ZNF365: variants seen among roughly 807,000 people sequenced by gnomAD.
ZNF365 encodes the protein zinc finger protein 365.
A neutral mutation model predicts 35.0 loss-of-function variants in ZNF365; 22 were observed. The ratio of observed to expected loss-of-function variants is 0.63; its 90% CI spans 0.45 to 0.90. The LOEUF (loss-of-function observed/expected upper bound fraction) is 0.90, where lower values mean the gene tolerates loss of function less well. Ranked by LOEUF, ZNF365 falls within the 40% of genes least tolerant of loss-of-function variation. The probability of loss-of-function intolerance (pLI) is 0.00; values close to 1 mark genes in which losing one functional copy is unlikely to be tolerated. For synonymous variants in ZNF365, 188 were observed against 196.2 expected (o/e 0.96, Z 0.35); for missense variants, 448 against 500.3 (o/e 0.90, Z 1.00).
rs111435644 is a variant in ZNF365 at position 62,456,043 on chromosome 10, G to A, written c.925-3698G>A. 3.6e-3 allele frequency among the ~76,000 whole-genome samples: 542 copies of A among 152,272 alleles called. 5 individuals are homozygous for A. The highest frequency in any genetic ancestry group is 0.012 in the African/African-American group (510 of 41,544). On this transcript the variant is annotated intron_variant, in intron 3 of 4. Transcript: ENST00000395255. The stretch of plus-strand genomic sequence containing the variant: ...AGCGTTGTCCAACTAAACTTGCTGC[G>A]GTGATGGTGATGGACAGATTCAATA...
At chr10:62,398,877 T>C (rs1839776048) in intron 4 of ZNF365, 100 bp downstream of exon 4, 1 of 1,192,030 alleles carries the variant, frequency 8.4e-7, no homozygotes, top group Admixed American at 2.8e-5. Flanking sequence ...ATATGATATC[T>C]ATATTATAAA....
chr10:62,469,426 A>T (rs1347105521), intron 4 of ZNF365, among the ~76,000 whole-genome samples: 1 of 152,194 alleles, frequency 6.6e-6, no homozygotes, highest in East Asian at 1.9e-4. Context: ...TCAGTTAGTA[A>T]TGTAAAAAAA....
At chr10:62,454,247 T>C (rs1448215019) in intron 3 of ZNF365, among the ~76,000 whole-genome samples, 2 of 152,156 alleles carry the variant, frequency 1.3e-5, no homozygotes, top group Non-Finnish European at 2.9e-5. Flanking sequence ...TACAAATCAT[T>C]GGTTAACAAA....
chr10:62,465,206 G>T (rs942718517), intron 4 of ZNF365, among the ~76,000 whole-genome samples: 1 of 152,182 alleles, frequency 6.6e-6, no homozygotes, highest in Non-Finnish European at 1.5e-5. Flanking sequence ...GTCGCAACCT[G>T]GTCAGGTTGC....
chr10:62,390,086 GC>G (rs999657217), intron 3 of ZNF365, among the ~76,000 whole-genome samples: 9 of 152,138 alleles, frequency 5.9e-5, no homozygotes, highest in South Asian at 2.1e-4. Flanking sequence ...AGGTTATGGT[GC>G]CCAGATGTGA....
At chr10:62,403,583 G>A (rs1041063745), downstream of ZNF365, among the ~76,000 whole-genome samples, 3 of 152,128 alleles carry the variant, frequency 2.0e-5, no homozygotes, top group Non-Finnish European at 2.9e-5. Flanking sequence ...GCGTGAACCC[G>A]GGAAGCGGAG....
intron 3 of ZNF365, among the ~76,000 whole-genome samples, chr10:62,394,360 C>T (rs143173523): frequency 8.9e-4 from 135 of 152,304 alleles, no homozygotes; most frequent in Middle Eastern, 3.4e-3. Flanking sequence ...TTGTGTCCCC[C>T]TCCTCACTGA....
At position 62,408,790 on chromosome 10, in the gene ZNF365, C is replaced by G. The variant is rs1839942127; in HGVS notation, c.924+20214C>G. On this transcript the variant is annotated intron_variant, in intron 3 of 4. Transcript: ENST00000395255. Reference sequence around the variant, plus strand: ...GAGACCAAAATATCAGAGCTACTGGCAAGACTAGATCGTAGAACAGCCTTT... The same window carrying G: ...GAGACCAAAATATCAGAGCTACTGGGAAGACTAGATCGTAGAACAGCCTTT... Among the ~76,000 whole-genome samples, 5 of 152,230 alleles carry G rather than the reference C, an allele frequency of 3.3e-5. No individual in the cohort carries two copies. The South Asian group carries it at 1.0e-3, about 32-fold the overall frequency.
At chr10:62,438,387 C>T (rs1046748317) in intron 3 of ZNF365, among the ~76,000 whole-genome samples, 13 of 151,828 alleles carry the variant, frequency 8.6e-5, no homozygotes, top group African/African-American at 2.7e-4. Context: ...GAGGTTTCGC[C>T]ACATTGCCCA....
intron 2 of ZNF365, among the ~76,000 whole-genome samples, chr10:62,383,443 C>A (rs1327031260): frequency 1.3e-5 from 2 of 152,024 alleles, no homozygotes; most frequent in African/African-American, 4.8e-5. Flanking sequence ...ATTGTGGGGG[C>A]TTGGGAAGAG....
chr10:62,402,345 T>C lies in ZNF365; in HGVS notation c.*2556T>C, dbSNP rs1049790852. Reference sequence around the variant, plus strand: ...TTGCTTAGACATTGTTTTCCAGTATTCTGCAGGGCCAGTCAGTTGTACAGA... The same window carrying C: ...TTGCTTAGACATTGTTTTCCAGTATCCTGCAGGGCCAGTCAGTTGTACAGA... On this transcript the variant is annotated 3_prime_UTR_variant, in exon 5 of 5. Transcript: ENST00000395254. The C allele has an allele frequency of 4.1e-5, 40 of 985,492 alleles. No individual in the cohort carries two copies. The highest frequency in any genetic ancestry group is 3.6e-5 in the Non-Finnish European group (30 of 829,936). The allele number at this position is 985,492 out of a possible 1,614,324, so 61.0% of individuals were successfully genotyped here. A position where few individuals can be genotyped will look rare whatever the true frequency, so the allele number is the denominator to read the frequency against.
At chr10:62,456,119 G>A (rs1269112427) in intron 3 of ZNF365, among the ~76,000 whole-genome samples, 1 of 152,040 alleles carries the variant, frequency 6.6e-6, no homozygotes, top group African/African-American at 2.4e-5. Context: ...TAGCTGTTGA[G>A]CACTACAAAT....
chr10:62,392,726 G>T (rs1181204844), intron 3 of ZNF365, among the ~76,000 whole-genome samples: 1 of 152,146 alleles, frequency 6.6e-6, no homozygotes, highest in East Asian at 1.9e-4. Flanking sequence ...CACCTCTCGG[G>T]TTCAAGTGAT....
chr10:62,479,990 T>G, exon 5 of ZNF365: 1 of 1,582,604 alleles, frequency 6.3e-7, no homozygotes, highest in Non-Finnish European at 8.6e-7. Flanking sequence ...TCAACAAATA[T>G]TTATTAAGCA....
In ZNF365 at chr10:62,402,015, G is replaced by A; in HGVS notation, c.*2226G>A. On this transcript the variant is annotated 3_prime_UTR_variant, in exon 5 of 5. Transcript: ENST00000395254. ...AGACATAAATTTAGTGTCAAAACAT[G>A]GGAGATGGCTTACTCAGAAGCATAC... The A allele has an allele frequency of 5.1e-6, 5 of 985,590 alleles. No individual in the cohort carries two copies. The highest frequency in any genetic ancestry group is 6.0e-6 in the Non-Finnish European group (5 of 829,908). The allele number at this position is 985,590 out of a possible 1,614,324, so 61.1% of individuals were successfully genotyped here. A position where few individuals can be genotyped will look rare whatever the true frequency, so the allele number is the denominator to read the frequency against.
rs369079619 is a variant in ZNF365, at chr10:62,407,728, T to C, written c.924+19152T>C. 3.3e-5 allele frequency among the ~76,000 whole-genome samples: 5 copies of C among 152,340 alleles called. No homozygotes were observed. The South Asian group carries it at 6.2e-4, about 19-fold the overall frequency. ...TTGGTCCTAAAGCCTTATCAGTAGG[T>C]ATTTTAATACTCTCCTTCTTTTAGC... On this transcript the variant is annotated intron_variant, in intron 3 of 4. Coordinates refer to the ZNF365 transcript ENST00000395255.
chr10:62,429,044 T>C (rs1322000796), intron 3 of ZNF365, among the ~76,000 whole-genome samples: 1 of 152,198 alleles, frequency 6.6e-6, no homozygotes, highest in African/African-American at 2.4e-5. Flanking sequence ...AGCACACCTC[T>C]GAGTTCTTCA....
At chr10:62,431,007 T>A (rs534575330) in intron 3 of ZNF365, among the ~76,000 whole-genome samples, 1 of 152,316 alleles carries the variant, frequency 6.6e-6, no homozygotes, top group African/African-American at 2.4e-5. Flanking sequence ...TTATAGTGTT[T>A]CCCTTTCAAA....
Position 62,395,441 on chromosome 10 carries a change from G to A in ZNF365, c.925-3299G>A, listed in dbSNP as rs368190388. The stretch of plus-strand genomic sequence containing the variant: ...CAACCTCTGCCTCCCTGGTTCAAGC[G>A]ATTCTCCTGCCTCAGCCTCCCGAGT... On this transcript the variant is annotated intron_variant, in intron 3 of 4. Coordinates refer to ENST00000395254, the MANE Select transcript of ZNF365 (RefSeq NM_014951.3). Among the ~76,000 whole-genome samples the A allele has an allele frequency of 1.9e-4, 28 of 150,078 alleles. No homozygotes were observed. In the East Asian group the frequency reaches 4.3e-3, roughly 23 times the overall value.
Sources: gnomAD v4.1 joint callset for allele counts (sites outside exome capture counted in the v4.1 genomes callset) on GRCh38, gnomAD v4.1.1 for gene constraint, MANE v1.5 for transcripts, NCBI Gene and HGNC (gene_info 2026-07-23, HGNC 2026-07-21) for gene names.